PFKFB3: variants seen among roughly 807,000 people sequenced by gnomAD.
The protein encoded by PFKFB3 is 6-phosphofructo-2-kinase/fructose-2,6-bisphosphatase 3.
Under a neutral mutation model 68.0 loss-of-function variants are expected in PFKFB3, and 33 were observed. The ratio of observed to expected loss-of-function variants is 0.49; its 90% CI spans 0.37 to 0.65. The LOEUF (loss-of-function observed/expected upper bound fraction) is 0.65, where lower values mean the gene tolerates loss of function less well. PFKFB3 is among the 30% of genes least tolerant of loss of function. The probability of loss-of-function intolerance (pLI) is 0.00; values close to 1 mark genes in which losing one functional copy is unlikely to be tolerated. For synonymous variants in PFKFB3, 315 were observed against 288.2 expected (o/e 1.09, Z -0.94); for missense variants, 586 against 712.2 (o/e 0.82, Z 2.02).
At chr10:6,288,978 G>A in the PFKFB3 span, among the ~76,000 whole-genome samples, 3 of 151,096 alleles carry the variant, frequency 2.0e-5, no homozygotes, top group Non-Finnish European at 3.0e-5. Context: ...TTTTTCATGT[G>A]TTTTTTGGCT....
In PFKFB3 at chr10:6,232,966, A is replaced by G; in HGVS notation, c.*24A>G. 6.3e-7 allele frequency: 1 copy of G among 1,593,742 alleles called. No homozygotes were observed. The highest frequency in any genetic ancestry group is 8.6e-7 in the Non-Finnish European group (1 of 1,161,900). On this transcript the variant is annotated 3_prime_UTR_variant, in exon 15 of 15. Coordinates refer to ENST00000379775, the MANE Select transcript of PFKFB3 (RefSeq NM_004566.4). Reference sequence around the variant, plus strand: ...GAGGCAGACGTGTCGGTTCCATTCCATTTCCATTTCTGCAGCTTAGCTTGT... The same window carrying G: ...GAGGCAGACGTGTCGGTTCCATTCCGTTTCCATTTCTGCAGCTTAGCTTGT...
chr10:6,222,839 G>A lies in PFKFB3; in HGVS notation c.1084-16G>A, dbSNP rs774492443. 2.2e-5 allele frequency: 36 copies of A among 1,607,814 alleles called. No homozygotes were observed. The highest frequency in any genetic ancestry group is 3.1e-5 in the Non-Finnish European group (36 of 1,176,102). On this transcript the variant is annotated splice_polypyrimidine_tract_variant and intron_variant, in intron 10 of 14. Coordinates refer to ENST00000379775, the MANE Select transcript of PFKFB3 (RefSeq NM_004566.4). ...GAGTGCCCTGAGCTCACGTGGGCCCGGCCCTCTGTGCTCAGTCCTACCAGG... is the reference window on the plus strand; with the variant it reads ...GAGTGCCCTGAGCTCACGTGGGCCCAGCCCTCTGTGCTCAGTCCTACCAGG...
downstream of PFKFB3, among the ~76,000 whole-genome samples, chr10:6,254,980 C>T (rs954873581): frequency 6.7e-6 from 1 of 150,290 alleles, no homozygotes; most frequent in Non-Finnish European, 1.5e-5. Flanking sequence ...ACCATCCTGG[C>T]CAATTTTTGT....
At chr10:6,167,996 G>A (rs1441044360) in intron 1 of PFKFB3, among the ~76,000 whole-genome samples, 2 of 152,142 alleles carry the variant, frequency 1.3e-5, no homozygotes, top group South Asian at 2.1e-4. Context: ...CTTCATCTGC[G>A]TCATCTCTAA....
chr10:6,290,775 A>T, the PFKFB3 span, among the ~76,000 whole-genome samples: 1 of 152,046 alleles, frequency 6.6e-6, no homozygotes, highest in African/African-American at 2.4e-5. Flanking sequence ...GAGTGTTGGG[A>T]TTACAGGCAT....
At chr10:6,230,819 G>A (rs906911110) in intron 14 of PFKFB3, among the ~76,000 whole-genome samples, 5 of 151,928 alleles carry the variant, frequency 3.3e-5, no homozygotes, top group African/African-American at 1.2e-4. Context: ...GGGTTCAAGC[G>A]ATTCTCCTGC....
At chr10:6,314,287 T>A in the PFKFB3 span, among the ~76,000 whole-genome samples, 1 of 152,224 alleles carries the variant, frequency 6.6e-6, no homozygotes, top group African/African-American at 2.4e-5. Flanking sequence ...AAGAGGCACA[T>A]GTTCATTGCA....
intron 1 of PFKFB3, among the ~76,000 whole-genome samples, chr10:6,161,745 A>G (rs1009960138): frequency 2.6e-5 from 4 of 151,852 alleles, no homozygotes; most frequent in African/African-American, 9.7e-5. Flanking sequence ...CGATCCTCCC[A>G]CCTCAGCCTC....
At chr10:6,151,252 G>A (rs1378795249) in intron 1 of PFKFB3, among the ~76,000 whole-genome samples, 1 of 152,206 alleles carries the variant, frequency 6.6e-6, no homozygotes, top group Admixed American at 6.5e-5. Context: ...CAAGGTTCTG[G>A]TTGGGGCAGC....
the PFKFB3 span, among the ~76,000 whole-genome samples, chr10:6,324,214 G>A: frequency 1.3e-5 from 2 of 151,878 alleles, no homozygotes; most frequent in Non-Finnish European, 2.9e-5. Context: ...AGATACAAAC[G>A]ACAGACACCA....
At chr10:6,181,001 GTTCTA>G (rs1192688575) in intron 1 of PFKFB3, among the ~76,000 whole-genome samples, 4 of 152,104 alleles carry the variant, frequency 2.6e-5, no homozygotes, top group South Asian at 2.1e-4. Context: ...TCACACCCAT[GTTCTA>G]TTTTATTTTC....
intron 11 of PFKFB3, 74 bp downstream of exon 11, chr10:6,223,058 C>G (rs1845080386): frequency 6.8e-7 from 1 of 1,465,398 alleles, no homozygotes; most frequent in Admixed American, 1.9e-5. Flanking sequence ...CAGCCGCAGA[C>G]CTGCCGTGGC....
At chr10:6,285,551 A>C in the PFKFB3 span, among the ~76,000 whole-genome samples, 15 of 152,244 alleles carry the variant, frequency 9.9e-5, no homozygotes, top group East Asian at 2.9e-3. Flanking sequence ...TTACTTAAAA[A>C]AATTGTGGTA....
the PFKFB3 span, among the ~76,000 whole-genome samples, chr10:6,302,177 C>G: frequency 2.0e-5 from 3 of 151,372 alleles, no homozygotes; most frequent in South Asian, 6.2e-4. Flanking sequence ...GCCTCAGCCT[C>G]TTGAATAGCT....
chr10:6,308,695 T>G, the PFKFB3 span, among the ~76,000 whole-genome samples: 1 of 152,216 alleles, frequency 6.6e-6, no homozygotes, highest in Non-Finnish European at 1.5e-5. Context: ...CTAAACTTCC[T>G]ATTTATTATA....
chr10:6,307,145 C>T, the PFKFB3 span, among the ~76,000 whole-genome samples: 2 of 152,166 alleles, frequency 1.3e-5, no homozygotes, highest in Non-Finnish European at 2.9e-5. Context: ...ACAGCATCAG[C>T]TCTTCCTGCT....
the PFKFB3 span, among the ~76,000 whole-genome samples, chr10:6,275,192 G>A: frequency 2.0e-5 from 3 of 152,182 alleles, no homozygotes; most frequent in Admixed American, 6.5e-5. This position sits in a 1 kb window ranked among gnomAD's most constrained non-coding sequence, Gnocchi z 4.9. Flanking sequence ...AGGTGGTCAC[G>A]GCCCCGCCCC....
chr10:6,313,066 C>T, the PFKFB3 span, among the ~76,000 whole-genome samples: 1 of 152,188 alleles, frequency 6.6e-6, no homozygotes, highest in African/African-American at 2.4e-5. This position sits in a 1 kb window ranked among gnomAD's most constrained non-coding sequence, Gnocchi z 4.2. Flanking sequence ...CAAGTTTTAG[C>T]TCGCATGAGA....
intron 1 of PFKFB3, among the ~76,000 whole-genome samples, chr10:6,171,888 C>T (rs896303713): frequency 6.6e-6 from 1 of 152,216 alleles, no homozygotes; most frequent in Non-Finnish European, 1.5e-5. Context: ...GCTCAAATGC[C>T]TAGGAGTCCT....
Sources: allele counts gnomAD v4.1 joint callset (sites outside exome capture counted in the v4.1 genomes callset), GRCh38; gene constraint gnomAD v4.1.1; non-coding constraint Gnocchi (gnomAD v3.1); transcripts MANE v1.5; gene names NCBI Gene and HGNC (gene_info 2026-07-23, HGNC 2026-07-21).